MACROD2: variants seen among roughly 807,000 people sequenced by gnomAD.
The protein encoded by MACROD2 is mono-ADP ribosylhydrolase 2, also known as ADP-ribose glycohydrolase MACROD2.
A neutral mutation model predicts 70.4 loss-of-function variants in MACROD2; 36 were observed. That is an observed-to-expected ratio of 0.51 (90% CI 0.39 to 0.68). The LOEUF (loss-of-function observed/expected upper bound fraction) is 0.68. Among genes scored for constraint, MACROD2 ranks in the 30% least tolerant of loss-of-function variants. MACROD2 has a pLI of 0.00. For synonymous variants in MACROD2, 172 were observed against 178.8 expected, an observed-to-expected ratio of 0.96 and a Z score of 0.30; for missense variants, 496 against 538.4, an observed-to-expected ratio of 0.92 and a Z score of 0.78.
At chr20:14,147,247 G>C (rs538786557) in intron 3 of MACROD2, among the ~76,000 whole-genome samples, 3 of 152,298 alleles carry the variant, frequency 2.0e-5, no homozygotes, top group Non-Finnish European at 4.4e-5. Context: ...AGGTGGCATA[G>C]TGTGTAATAA....
At chr20:15,336,014 C>G (rs1235161739) in intron 6 of MACROD2, among the ~76,000 whole-genome samples, 2 of 151,688 alleles carry the variant, frequency 1.3e-5, no homozygotes, top group African/African-American at 4.9e-5. Flanking sequence ...GTATCTCCAA[C>G]TAAATGAACC....
intron 6 of MACROD2, among the ~76,000 whole-genome samples, chr20:15,239,132 T>A (rs777628047): frequency 3.7e-4 from 56 of 151,634 alleles, no homozygotes; most frequent in Non-Finnish European, 7.8e-4. Flanking sequence ...GTTAATAGTA[T>A]AGAGCAAAGG....
At chr20:14,267,067 G>A (rs1374237206) in intron 3 of MACROD2, among the ~76,000 whole-genome samples, 1 of 152,072 alleles carries the variant, frequency 6.6e-6, no homozygotes, top group Non-Finnish European at 1.5e-5. Context: ...GGTAGTGTCA[G>A]GTCTTAATTA....
intron 3 of MACROD2, among the ~76,000 whole-genome samples, chr20:14,256,030 C>A (rs1601405488): frequency 1.3e-5 from 2 of 151,912 alleles, no homozygotes; most frequent in Non-Finnish European, 1.5e-5. Context: ...TTTTGTCTGT[C>A]CCCCAAGCCC....
intron 8 of MACROD2, among the ~76,000 whole-genome samples, chr20:15,799,115 T>C (rs2063701237): frequency 6.6e-6 from 1 of 152,154 alleles, no homozygotes; most frequent in Non-Finnish European, 1.5e-5. Flanking sequence ...TTTTGGGAAA[T>C]TGGGCCTATA....
intron 3 of MACROD2, among the ~76,000 whole-genome samples, chr20:14,249,128 G>GTTTTTTTTT (rs1173672516): frequency 9.7e-6 from 1 of 103,072 alleles, no homozygotes; most frequent in African/African-American, 4.1e-5. Flanking sequence ...GATTTCAAAG[G>GTTTTTTTTT]TTTTTTTTTT....
chr20:14,073,549 G>A (rs1464209886), intron 2 of MACROD2, among the ~76,000 whole-genome samples: 3 of 152,054 alleles, frequency 2.0e-5, no homozygotes, highest in East Asian at 3.9e-4. Context: ...TAATTCATGT[G>A]CATTTATATG....
intron 2 of MACROD2, among the ~76,000 whole-genome samples, chr20:14,021,459 GA>G (rs2053079491): frequency 6.6e-6 from 1 of 152,188 alleles, no homozygotes; most frequent in Non-Finnish European, 1.5e-5. Flanking sequence ...AAATAGAAAT[GA>G]AAGTCTTACT....
chr20:15,156,514 C>T (rs1040647213), intron 5 of MACROD2, among the ~76,000 whole-genome samples: 1 of 152,100 alleles, frequency 6.6e-6, no homozygotes, highest in Non-Finnish European at 1.5e-5. Context: ...TTGACTCACC[C>T]CAATTTAAGA....
At chr20:15,991,552 T>C (rs2066559173) in intron 15 of MACROD2, among the ~76,000 whole-genome samples, 1 of 152,220 alleles carries the variant, frequency 6.6e-6, no homozygotes, top group South Asian at 2.1e-4. Context: ...ATATACAGAC[T>C]GTGTTCTTGG....
At chr20:14,497,440 A>G (rs1188550514) in intron 4 of MACROD2, among the ~76,000 whole-genome samples, 1 of 151,854 alleles carries the variant, frequency 6.6e-6, no homozygotes, top group Non-Finnish European at 1.5e-5. Flanking sequence ...AAGAAGTAGA[A>G]TTAGAAAGAA....
intron 3 of MACROD2, among the ~76,000 whole-genome samples, chr20:14,305,718 C>T (rs949030994): frequency 3.3e-5 from 5 of 152,092 alleles, no homozygotes; most frequent in African/African-American, 1.2e-4. Flanking sequence ...AAAATAAAAA[C>T]TGTCTAATGA....
At chr20:14,121,212 T>A (rs560804407) in intron 3 of MACROD2, among the ~76,000 whole-genome samples, 24 of 152,242 alleles carry the variant, frequency 1.6e-4, no homozygotes, top group Middle Eastern at 3.4e-3. Flanking sequence ...AGGTAGAAAG[T>A]GATCCCGTCT....
At chr20:15,263,645 A>T (rs749808466) in intron 6 of MACROD2, among the ~76,000 whole-genome samples, 40 of 152,142 alleles carry the variant, frequency 2.6e-4, no homozygotes, top group Non-Finnish European at 4.7e-4. Flanking sequence ...AACAATATTG[A>T]TTCTTCCAAT....
At chr20:14,071,156 T>G (rs891041534) in intron 2 of MACROD2, among the ~76,000 whole-genome samples, 1 of 152,122 alleles carries the variant, frequency 6.6e-6, no homozygotes, top group Admixed American at 6.5e-5. Flanking sequence ...AATATACTTA[T>G]GATTTTAATG....
intron 5 of MACROD2, among the ~76,000 whole-genome samples, chr20:14,908,548 G>A (rs973308058): frequency 1.3e-4 from 20 of 151,422 alleles, no homozygotes; most frequent in African/African-American, 4.9e-4. Context: ...CCAGCTACTC[G>A]GGAGGCTGAG....
chr20:15,000,629 CAAAAA>C (rs398040701), intron 5 of MACROD2, among the ~76,000 whole-genome samples: 16 of 21,976 alleles, frequency 7.3e-4, no homozygotes, highest in African/African-American at 3.4e-3. Flanking sequence ...GACTCCGTCT[CAAAAA>C]AAAAAAAAAA....
chr20:14,660,938 T>C (rs1195968861), intron 4 of MACROD2, among the ~76,000 whole-genome samples: 2 of 152,138 alleles, frequency 1.3e-5, no homozygotes, highest in Non-Finnish European at 2.9e-5. Flanking sequence ...CCACATTTCC[T>C]TTATCTAATC....
chr20:14,995,888 A>G (rs1378214557), intron 5 of MACROD2, among the ~76,000 whole-genome samples: 1 of 152,206 alleles, frequency 6.6e-6, no homozygotes, highest in Non-Finnish European at 1.5e-5. Context: ...CTGAAAATCC[A>G]TGATCTAAAC....
Sources: allele counts gnomAD v4.1 joint callset (sites outside exome capture counted in the v4.1 genomes callset), GRCh38; gene constraint gnomAD v4.1.1; transcripts MANE v1.5; gene names NCBI Gene and HGNC (gene_info 2026-07-23, HGNC 2026-07-21).